The following ASIC2 variants were observed in gnomAD, a reference collection of about 807,000 sequenced individuals.
ASIC2 encodes the protein acid-sensing ion channel 2.
Under a neutral mutation model 57.3 loss-of-function variants are expected in ASIC2, and 25 were observed. The observed-to-expected ratio is 0.44, with a 90% CI of 0.32 to 0.61. The LOEUF (loss-of-function observed/expected upper bound fraction) is 0.61, where lower values mean the gene tolerates loss of function less well. Ranked by LOEUF, ASIC2 falls within the 20% of genes least tolerant of loss-of-function variation. The probability of loss-of-function intolerance (pLI) is 0.06; values close to 1 mark genes in which losing one functional copy is unlikely to be tolerated. For missense variants in ASIC2, 641 were observed against 738.1 expected, an observed-to-expected ratio of 0.87 and a Z score of 1.52; for synonymous variants, 319 against 307.5, an observed-to-expected ratio of 1.04 and a Z score of -0.39.
intron 1 of ASIC2, among the ~76,000 whole-genome samples, chr17:33,172,740 C>T (rs912384303): frequency 6.6e-6 from 1 of 152,236 alleles, no homozygotes; most frequent in African/African-American, 2.4e-5. Context: ...GTGTGGCCCC[C>T]AGACTGGTAG....
intron 1 of ASIC2, among the ~76,000 whole-genome samples, chr17:33,764,701 A>G (rs1910884059): frequency 6.6e-6 from 1 of 152,100 alleles, no homozygotes. Flanking sequence ...GGATGAGTTC[A>G]TTCTTGAGGG....
chr17:33,662,889 T>C (rs1192047289), intron 1 of ASIC2, among the ~76,000 whole-genome samples: 2 of 152,058 alleles, frequency 1.3e-5, no homozygotes, highest in East Asian at 3.9e-4. Context: ...GTCACAAATA[T>C]AAGAGTTATA....
chr17:33,233,623 T>C (rs948628057), intron 1 of ASIC2, among the ~76,000 whole-genome samples: 2 of 152,004 alleles, frequency 1.3e-5, no homozygotes, highest in Non-Finnish European at 2.9e-5. Flanking sequence ...TCAACTGGTT[T>C]TTTTTTTTCT....
intron 1 of ASIC2, among the ~76,000 whole-genome samples, chr17:33,437,793 A>G (rs1844809144): frequency 6.6e-6 from 1 of 152,178 alleles, no homozygotes; most frequent in African/African-American, 2.4e-5. Flanking sequence ...ATGCCAAAAA[A>G]ACAAAAACAA....
At chr17:33,326,152 C>A (rs566288457) in intron 1 of ASIC2, among the ~76,000 whole-genome samples, 1 of 152,130 alleles carries the variant, frequency 6.6e-6, no homozygotes. Flanking sequence ...ATTCCTGCAG[C>A]ATGTCACCAT....
At chr17:33,491,597 G>A (rs770654019) in intron 1 of ASIC2, among the ~76,000 whole-genome samples, 6 of 152,130 alleles carry the variant, frequency 3.9e-5, no homozygotes, top group Non-Finnish European at 8.8e-5. Context: ...TACTTTCATC[G>A]AGTTGATCTA....
At chr17:33,566,005 T>C (rs1689666011) in intron 1 of ASIC2, 1 of 152,274 alleles carries the variant, frequency 6.6e-6, no homozygotes, top group South Asian at 2.1e-4. Context: ...ATATGCCTGT[T>C]AGAATGTGGC....
At chr17:33,082,809 C>G (rs2092118527) in intron 3 of ASIC2, among the ~76,000 whole-genome samples, 1 of 151,928 alleles carries the variant, frequency 6.6e-6, no homozygotes, top group Admixed American at 6.6e-5. Flanking sequence ...TGGTGCTGTC[C>G]CCATACCGCA....
intron 1 of ASIC2, among the ~76,000 whole-genome samples, chr17:33,872,831 G>A (rs377681003): frequency 3.3e-5 from 5 of 152,054 alleles, no homozygotes; most frequent in Non-Finnish European, 5.9e-5. Flanking sequence ...CCTGGGTGGC[G>A]GTAATGAGCA....
chr17:34,139,287 T>A (rs1423567542), intron 1 of ASIC2, among the ~76,000 whole-genome samples: 1 of 152,228 alleles, frequency 6.6e-6, no homozygotes, highest in Non-Finnish European at 1.5e-5. Flanking sequence ...TGTTTTTAAA[T>A]CTAACTTCTA....
chr17:33,663,448 C>CA (rs1567682874), intron 1 of ASIC2, among the ~76,000 whole-genome samples: 4 of 137,106 alleles, frequency 2.9e-5, no homozygotes, highest in African/African-American at 1.3e-4. Context: ...CTAATGCCGT[C>CA]GTTTTTTTTT....
chr17:33,554,377 TG>T, intron 1 of ASIC2, among the ~76,000 whole-genome samples: 1 of 152,024 alleles, frequency 6.6e-6, no homozygotes, highest in African/African-American at 2.4e-5. Context: ...TGTGTGTGTG[TG>T]TGTGTTTGCA....
At chr17:33,016,173 C>A in intron 8 of ASIC2, 134 bp from the exon 9 acceptor site, 1 of 737,980 alleles carries the variant, frequency 1.4e-6, no homozygotes, top group Non-Finnish European at 2.2e-6. Context: ...ACAAGCCCAG[C>A]CTGGCAGCCA....
rs772463415 is a variant in ASIC2, at chr17:33,088,887, G to A, written c.963C>T (p.Thr321=). 39 of 1,613,776 alleles carry A rather than the reference G, an allele frequency of 2.4e-5. 1 individual carries two copies. The Middle Eastern group carries it at 1.2e-3, about 48-fold the overall frequency. The change falls in exon 3 of 10, where the codon ACC becomes ACT. Residue 321 remains threonine (T), a synonymous_variant. Coordinates refer to ENST00000225823, the MANE Select transcript of ASIC2 (RefSeq NM_183377.2). Reference sequence around the variant, plus strand: ...CCCTCTGCTCCTGTGTGGCCACAAAGGTCTGGAACCCTGGAGCCACCCCAA... The same window carrying A: ...CCCTCTGCTCCTGTGTGGCCACAAAAGTCTGGAACCCTGGAGCCACCCCAA... ...LGFGVAPGFQ[T]FVATQEQRLT...
intron 1 of ASIC2, among the ~76,000 whole-genome samples, chr17:33,810,770 G>A (rs2142153363): frequency 6.6e-6 from 1 of 152,240 alleles, no homozygotes; most frequent in Non-Finnish European, 1.5e-5. Context: ...ATGTTTTTAT[G>A]TAAAAAAGAT....
At chr17:33,816,077 A>G (rs1011668783) in intron 1 of ASIC2, among the ~76,000 whole-genome samples, 1 of 145,434 alleles carries the variant, frequency 6.9e-6, no homozygotes, top group East Asian at 2.1e-4. Context: ...GGGAACAGAG[A>G]GGAGAGGCTC....
At chr17:33,077,216 G>C (rs1484702332) in intron 3 of ASIC2, among the ~76,000 whole-genome samples, 1 of 151,974 alleles carries the variant, frequency 6.6e-6, no homozygotes, top group Non-Finnish European at 1.5e-5. Flanking sequence ...TGCATCAAAG[G>C]CCCTATTTTA....
intron 1 of ASIC2, among the ~76,000 whole-genome samples, chr17:34,152,907 T>C (rs1307618889): frequency 6.6e-6 from 1 of 150,530 alleles, no homozygotes; most frequent in Non-Finnish European, 1.5e-5. Context: ...ATCAAAGCTG[T>C]CTTCTGCTTT....
At chr17:33,136,355 A>T (rs1195468288) in intron 1 of ASIC2, among the ~76,000 whole-genome samples, 1 of 152,258 alleles carries the variant, frequency 6.6e-6, no homozygotes, top group African/African-American at 2.4e-5. Context: ...AAATACACAC[A>T]ATAAAACAAG....
Sources: allele counts gnomAD v4.1 joint callset (sites outside exome capture counted in the v4.1 genomes callset), GRCh38; gene constraint gnomAD v4.1.1; transcripts MANE v1.5; gene names NCBI Gene and HGNC (gene_info 2026-07-23, HGNC 2026-07-21).